The following SMG6 variants were observed in gnomAD, a reference collection of about 807,000 sequenced individuals.
SMG6 encodes telomerase-binding protein EST1A.
Under a neutral mutation model 142.2 loss-of-function variants are expected in SMG6, and 66 were observed. The ratio of observed to expected loss-of-function variants is 0.46; its 90% CI spans 0.38 to 0.57. The LOEUF (loss-of-function observed/expected upper bound fraction) is 0.57, where lower values mean the gene tolerates loss of function less well. Among genes scored for constraint, SMG6 ranks in the 20% least tolerant of loss-of-function variants. The pLI is 0.00. For synonymous variants in SMG6, 779 were observed against 702.4 expected (o/e 1.11, Z -1.72); for missense variants, 1,793 against 1,832.0 (o/e 0.98, Z 0.39).
At chr17:2,188,760 G>A (rs930739543) in intron 10 of SMG6, among the ~76,000 whole-genome samples, 1 of 152,154 alleles carries the variant, frequency 6.6e-6, no homozygotes, top group South Asian at 2.1e-4. Context: ...TCCCAGGAAC[G>A]GTTACCTCAG....
At chr17:2,263,345 C>T (rs962044745) in intron 8 of SMG6, among the ~76,000 whole-genome samples, 2 of 152,148 alleles carry the variant, frequency 1.3e-5, no homozygotes, top group African/African-American at 4.8e-5. Context: ...TTCATAGAGG[C>T]TGATGACACA....
intron 13 of SMG6, among the ~76,000 whole-genome samples, chr17:2,168,891 C>T (rs1399261094): frequency 2.0e-5 from 3 of 151,412 alleles, no homozygotes; most frequent in Non-Finnish European, 2.9e-5. Flanking sequence ...TGGGATTACA[C>T]GGCCCGCCAC....
At chr17:2,132,244 G>A (rs1055950632) in intron 13 of SMG6, among the ~76,000 whole-genome samples, 4 of 152,122 alleles carry the variant, frequency 2.6e-5, no homozygotes, top group African/African-American at 9.7e-5. Context: ...AAATCTATGA[G>A]GTAAGAGACT....
intron 8 of SMG6, among the ~76,000 whole-genome samples, chr17:2,269,942 T>C (rs1450278778): frequency 2.6e-5 from 4 of 152,032 alleles, no homozygotes; most frequent in Non-Finnish European, 5.9e-5. Context: ...GGCAAGAGGA[T>C]GGCTTGAGCC....
chr17:2,288,709 A>C (rs1309260320), intron 6 of SMG6, among the ~76,000 whole-genome samples: 1 of 151,408 alleles, frequency 6.6e-6, no homozygotes, highest in Non-Finnish European at 1.5e-5. Context: ...TGGGCAGATC[A>C]CTTAGGAGCT....
chr17:2,225,246 G>A (rs1424724987), intron 10 of SMG6, among the ~76,000 whole-genome samples: 1 of 151,936 alleles, frequency 6.6e-6, no homozygotes, highest in African/African-American at 2.4e-5. Flanking sequence ...GGGAGGCTGA[G>A]GTGGGGAGAT....
chr17:2,081,427 G>C (rs190422521), intron 15 of SMG6, among the ~76,000 whole-genome samples: 224 of 152,236 alleles, frequency 1.5e-3, no homozygotes, highest in African/African-American at 5.1e-3. Flanking sequence ...CCTCTCCCTG[G>C]GAACAGGCGT....
At chr17:2,160,568 G>T (rs1190263153) in intron 13 of SMG6, among the ~76,000 whole-genome samples, 1 of 152,114 alleles carries the variant, frequency 6.6e-6, no homozygotes, top group Non-Finnish European at 1.5e-5. Flanking sequence ...AGTGGCTCAT[G>T]CCTGTAATTC....
rs767233696 is a variant in SMG6 at position 2,292,556 on chromosome 17, T to C, written c.2333A>G (p.Tyr778Cys). 1.2e-6 allele frequency: 2 copies of C among 1,614,110 alleles called. No individual in the cohort carries two copies. Among genetic ancestry groups the C allele is most frequent in the African/African-American group, 2.7e-5 (2 of 74,954 alleles). The part of the protein sequence containing the change: ...PYNQLALLAV[Y>C]TRRKLDAVYY... ...CCTGTCCACAGGATTTCTTACCGTA[T>C]ACACTGCCAGCAAAGCCAACTGGTT... Residue 778 changes from tyrosine to cysteine, a missense_variant, in exon 6 of 19, where the codon TAT becomes TGT. Physicochemically the swap from Tyr to Cys is radical, Grantham distance 194 (BLOSUM62 -2). This residue lies in a region of SMG6 where 1,597 missense variants were observed against 1,584.6 expected (regional missense o/e 1.01). Coordinates refer to ENST00000263073, the MANE Select transcript of SMG6 (RefSeq NM_017575.5).
At chr17:2,208,102 C>A (rs2072743195) in intron 10 of SMG6, among the ~76,000 whole-genome samples, 1 of 152,074 alleles carries the variant, frequency 6.6e-6, no homozygotes, top group African/African-American at 2.4e-5. Context: ...GCACTCCAGC[C>A]TGGGCGACAG....
intron 13 of SMG6, among the ~76,000 whole-genome samples, chr17:2,116,235 C>T (rs1036056425): frequency 2.6e-5 from 4 of 151,884 alleles, no homozygotes; most frequent in Non-Finnish European, 5.9e-5. Context: ...CCCTGCCCAG[C>T]TATTTTTTAT....
intron 12 of SMG6, among the ~76,000 whole-genome samples, chr17:2,178,253 A>G (rs992637434): frequency 6.6e-6 from 1 of 152,184 alleles, no homozygotes; most frequent in Non-Finnish European, 1.5e-5. Context: ...ATTTCTAGCA[A>G]CAATGTGTCA....
chr17:2,182,406 G>A (rs2071833382), intron 12 of SMG6, among the ~76,000 whole-genome samples: 1 of 152,192 alleles, frequency 6.6e-6, no homozygotes, highest in Non-Finnish European at 1.5e-5. Flanking sequence ...AGGATGCAGA[G>A]AACTGTCCGA....
rs1425015251 is a variant in SMG6 at position 2,091,854 on chromosome 17, GTT to G, written c.3358-5955_3358-5954del. Among the ~76,000 whole-genome samples, 175 of 116,690 alleles carry G rather than the reference GTT, an allele frequency of 1.5e-3. 1 individual carries two copies. The highest frequency in any genetic ancestry group is 4.9e-3 in the African/African-American group (157 of 32,208). The allele number at this position is 116,690 out of a possible 152,430, so 76.6% of individuals were successfully genotyped here. On this transcript the variant is annotated intron_variant, in intron 13 of 18. Coordinates refer to ENST00000263073, the MANE Select transcript of SMG6 (RefSeq NM_017575.5). ...CCCAGCTAATTTTGTGTGTGTGTGTGTTTTTTTTTAGTAGAGACGAGGTTTCA... is the reference window on the plus strand; with the variant it reads ...CCCAGCTAATTTTGTGTGTGTGTGTGTTTTTTTAGTAGAGACGAGGTTTCA...
intron 13 of SMG6, among the ~76,000 whole-genome samples, chr17:2,115,934 T>C (rs1022532183): frequency 1.3e-5 from 2 of 152,198 alleles, no homozygotes; most frequent in Non-Finnish European, 2.9e-5. Context: ...CTTGAACTCA[T>C]GGATGGAAGC....
intron 10 of SMG6, among the ~76,000 whole-genome samples, chr17:2,211,445 A>T (rs748485786): frequency 4.1e-4 from 62 of 152,088 alleles, no homozygotes; most frequent in Non-Finnish European, 7.4e-4. Flanking sequence ...CAGGCGGATC[A>T]TGAGGTCAGG....
intron 6 of SMG6, among the ~76,000 whole-genome samples, chr17:2,286,178 T>C (rs1394159629): frequency 6.6e-6 from 1 of 152,094 alleles, no homozygotes; most frequent in African/African-American, 2.4e-5. Context: ...GCTTAATATT[T>C]TGAAGATGGC....
At chr17:2,187,364 CT>C (rs34155555) in intron 11 of SMG6, among the ~76,000 whole-genome samples, 8 of 152,130 alleles carry the variant, frequency 5.3e-5, no homozygotes, top group African/African-American at 7.2e-5. Flanking sequence ...CAGAAAACAA[CT>C]TTTTTTTCCC....
intron 8 of SMG6, among the ~76,000 whole-genome samples, chr17:2,247,907 T>C (rs1019826817): frequency 2.0e-5 from 3 of 151,754 alleles, no homozygotes; most frequent in Admixed American, 2.0e-4. Context: ...GCCTGGCCAA[T>C]ATGGTGAAAC....
Sources: allele counts gnomAD v4.1 joint callset (sites outside exome capture counted in the v4.1 genomes callset), GRCh38; gene constraint gnomAD v4.1.1; regional missense constraint gnomAD v4.1.1; transcripts MANE v1.5; gene names NCBI Gene and HGNC (gene_info 2026-07-23, HGNC 2026-07-21).